Variants in PACRG observed in about 807,000 individuals in gnomAD.
The protein encoded by PACRG is parkin coregulated, also known as parkin coregulated gene protein.
PACRG carries 29 observed loss-of-function variants against 29.7 expected under a neutral mutation model. The ratio of observed to expected loss-of-function variants is 0.98; its 90% confidence interval spans 0.73 to 1.33. PACRG has a LOEUF of 1.33. Among genes scored for constraint, PACRG ranks in the 40% most tolerant of loss-of-function variants. The pLI, the probability that PACRG is intolerant of heterozygous loss-of-function variation, is 0.00. For missense variants in PACRG, 279 were observed against 316.2 expected, an observed-to-expected ratio of 0.88 and a Z score of 0.89; for synonymous variants, 116 against 118.7, an observed-to-expected ratio of 0.98 and a Z score of 0.15.
At chr6:162,814,354 G>C in intron 2 of PACRG, 73 bp downstream of exon 2, 1 of 1,549,414 alleles carries the variant, frequency 6.5e-7, no homozygotes. Flanking sequence ...AACACACTTG[G>C]CTGCTTAAGT....
At chr6:162,962,700 C>T (rs1800730138) in intron 2 of PACRG, among the ~76,000 whole-genome samples, 1 of 152,192 alleles carries the variant, frequency 6.6e-6, no homozygotes, top group Admixed American at 6.5e-5. Context: ...ACTTTGCAGC[C>T]TCCAGAACTG....
At chr6:163,215,989 A>C (rs1010265106) in intron 4 of PACRG, among the ~76,000 whole-genome samples, 8 of 152,338 alleles carry the variant, frequency 5.3e-5, no homozygotes, top group African/African-American at 1.9e-4. Flanking sequence ...CAGGAACCGC[A>C]GCAGTAAGTG....
intron 4 of PACRG, among the ~76,000 whole-genome samples, chr6:163,228,103 G>A (rs139756566): frequency 1.4e-3 from 207 of 152,046 alleles, no homozygotes; most frequent in African/African-American, 4.8e-3. Context: ...ACATATATTT[G>A]TTTCCTGTTT....
chr6:163,015,413 A>T (rs1176672599), intron 2 of PACRG, among the ~76,000 whole-genome samples: 1 of 152,184 alleles, frequency 6.6e-6, no homozygotes, highest in African/African-American at 2.4e-5. Flanking sequence ...TGATAAGAAT[A>T]GTGTTGAATC....
chr6:163,216,317 G>A (rs528488143), intron 4 of PACRG, among the ~76,000 whole-genome samples: 15 of 152,252 alleles, frequency 9.9e-5, no homozygotes, highest in African/African-American at 3.6e-4. Flanking sequence ...GCTGGAAACC[G>A]AGGGGCTTGC....
At chr6:162,728,986 T>C in intron 1 of PACRG, among the ~76,000 whole-genome samples, 1 of 152,202 alleles carries the variant, frequency 6.6e-6, no homozygotes, top group East Asian at 1.9e-4. Flanking sequence ...TGATGTGCTT[T>C]AAACAATACA....
Position 162,728,826 on chromosome 6 carries a change from A to C in PACRG, c.156+435A>C, listed in dbSNP as rs181254884. 4.9e-3 allele frequency among the ~76,000 whole-genome samples: 739 copies of C among 152,288 alleles called. 5 individuals carry two copies. Among genetic ancestry groups the C allele is most frequent in the African/African-American group, 0.014 (566 of 41,566 alleles). On this transcript the variant is annotated intron_variant, in intron 1 of 4. Transcript: ENST00000366888. ...ACATAAACTCATGAAATAATCTATA[A>C]TGAGAAATTTCTTCACTTCAACCTA...
At chr6:163,219,971 T>C (rs1781512385) in intron 4 of PACRG, among the ~76,000 whole-genome samples, 2 of 152,286 alleles carry the variant, frequency 1.3e-5, no homozygotes, top group Non-Finnish European at 2.9e-5. Flanking sequence ...ATATCTTACC[T>C]TGCTTTATTT....
chr6:162,823,102 A>C (rs1787979413), intron 2 of PACRG, among the ~76,000 whole-genome samples: 1 of 152,102 alleles, frequency 6.6e-6, no homozygotes, highest in African/African-American at 2.4e-5. Context: ...TGTGTCAGAG[A>C]TTTGTGTCAA....
At chr6:163,086,450 C>G (rs1240040421) in intron 3 of PACRG, among the ~76,000 whole-genome samples, 1 of 152,144 alleles carries the variant, frequency 6.6e-6, no homozygotes, top group South Asian at 2.1e-4. Context: ...CTGTAATGAG[C>G]CATCATGCTG....
chr6:162,980,148 CACA>C (rs1401011869), intron 2 of PACRG, among the ~76,000 whole-genome samples: 9 of 149,060 alleles, frequency 6.0e-5, no homozygotes, highest in Non-Finnish European at 1.3e-4. Flanking sequence ...TAGTTCTCAT[CACA>C]ATTATGTGAA....
chr6:163,227,267 G>A (rs1253369628), intron 4 of PACRG, among the ~76,000 whole-genome samples: 1 of 152,084 alleles, frequency 6.6e-6, no homozygotes, highest in Non-Finnish European at 1.5e-5. Context: ...GATGAAAGCA[G>A]GAACAAGAGG....
chr6:162,781,540 C>A (rs1312770061), intron 1 of PACRG, among the ~76,000 whole-genome samples: 1 of 151,562 alleles, frequency 6.6e-6, no homozygotes, highest in East Asian at 1.9e-4. Flanking sequence ...TAAAATTAAT[C>A]TACTGTTTAG....
At chr6:162,887,931 A>G (rs1297240780) in intron 2 of PACRG, among the ~76,000 whole-genome samples, 1 of 152,094 alleles carries the variant, frequency 6.6e-6, no homozygotes, top group East Asian at 1.9e-4. Context: ...ATTTATAAAC[A>G]ATGAACATTT....
chr6:163,257,094 C>T (rs1783143183), intron 4 of PACRG, among the ~76,000 whole-genome samples: 1 of 151,968 alleles, frequency 6.6e-6, no homozygotes, highest in Non-Finnish European at 1.5e-5. Flanking sequence ...GATTTAGAGC[C>T]CATTCTAACT....
chr6:163,257,217 GA>G (rs1445804644), intron 4 of PACRG, among the ~76,000 whole-genome samples: 1 of 151,990 alleles, frequency 6.6e-6, no homozygotes, highest in Non-Finnish European at 1.5e-5. Context: ...ATCTTTTGGG[GA>G]GACACAACTC....
chr6:163,048,218 T>C (rs574997396), intron 2 of PACRG, among the ~76,000 whole-genome samples: 4 of 151,898 alleles, frequency 2.6e-5, no homozygotes, highest in South Asian at 4.1e-4. Context: ...CAGCGTAGGG[T>C]TGAATAAAAA....
At chr6:162,858,035 A>G (rs2128437549) in intron 2 of PACRG, among the ~76,000 whole-genome samples, 1 of 152,346 alleles carries the variant, frequency 6.6e-6, no homozygotes, top group Non-Finnish European at 1.5e-5. Flanking sequence ...CCATATTGGT[A>G]TCATCATTGT....
chr6:163,266,883 G>A (rs117299757), intron 4 of PACRG, among the ~76,000 whole-genome samples: 2,229 of 152,244 alleles, frequency 0.015, 35 homozygotes, highest in South Asian at 0.032. Context: ...GGCAGCACCA[G>A]TTTTATGAGC....
Sources: allele counts gnomAD v4.1 joint callset (sites outside exome capture counted in the v4.1 genomes callset), GRCh38; gene constraint gnomAD v4.1.1; transcripts MANE v1.5; gene names NCBI Gene and HGNC (gene_info 2026-07-23, HGNC 2026-07-21).